The following SETBP1 variants were observed in gnomAD, a reference collection of about 807,000 sequenced individuals.
SETBP1 encodes the protein SET binding protein 1, also known as SET-binding protein.
A neutral mutation model predicts 101.0 loss-of-function variants in SETBP1; 9 were observed. The ratio of observed to expected loss-of-function variants is 0.09; its 90% CI spans 0.05 to 0.16. The LOEUF (loss-of-function observed/expected upper bound fraction) is 0.16, where lower values mean the gene tolerates loss of function less well. SETBP1 is among the 10% of genes least tolerant of loss of function. The pLI is 1.00. For synonymous variants in SETBP1, 818 were observed against 788.5 expected, an observed-to-expected ratio of 1.04 and a Z score of -0.63; for missense variants, 1,858 against 2,033.8, an observed-to-expected ratio of 0.91 and a Z score of 1.66.
chr18:44,956,707 T>A (rs2071490438), intron 4 of SETBP1, among the ~76,000 whole-genome samples: 1 of 152,218 alleles, frequency 6.6e-6, no homozygotes, highest in African/African-American at 2.4e-5. Flanking sequence ...CTCCCTGAGA[T>A]CAGAGCTGAT....
chr18:44,883,742 C>T (rs939954336), intron 3 of SETBP1, among the ~76,000 whole-genome samples: 1 of 152,170 alleles, frequency 6.6e-6, no homozygotes, highest in Non-Finnish European at 1.5e-5. Context: ...CTCCATTTTA[C>T]AAAAGAAGAC....
chr18:44,856,818 A>G (rs918133540), intron 2 of SETBP1, among the ~76,000 whole-genome samples: 1 of 152,212 alleles, frequency 6.6e-6, no homozygotes, highest in South Asian at 2.1e-4. Context: ...CATGTCTTTC[A>G]TTGCGATATG....
intron 4 of SETBP1, among the ~76,000 whole-genome samples, chr18:45,008,288 C>A (rs1174394792): frequency 6.6e-6 from 1 of 152,094 alleles, no homozygotes; most frequent in Non-Finnish European, 1.5e-5. Context: ...CACGGGGATC[C>A]TGAGGGGTCT....
chr18:44,922,629 C>G (rs1394895868), intron 3 of SETBP1, among the ~76,000 whole-genome samples: 1 of 152,124 alleles, frequency 6.6e-6, no homozygotes, highest in Non-Finnish European at 1.5e-5. Context: ...TCTCTTTTCT[C>G]CAGTTCTTTG....
intron 2 of SETBP1, among the ~76,000 whole-genome samples, chr18:44,798,759 G>A (rs912888067): frequency 6.6e-6 from 1 of 152,204 alleles, no homozygotes; most frequent in Non-Finnish European, 1.5e-5. Context: ...CCTAGGAATG[G>A]AGGTCACTTA....
intron 3 of SETBP1, among the ~76,000 whole-genome samples, chr18:44,942,719 C>T (rs1052226119): frequency 3.3e-5 from 5 of 152,098 alleles, no homozygotes; most frequent in East Asian, 1.9e-4. Flanking sequence ...GGAAAGGTTA[C>T]GTCTACTACC....
At chr18:45,023,689 C>A (rs1462102873) in intron 4 of SETBP1, among the ~76,000 whole-genome samples, 1 of 152,182 alleles carries the variant, frequency 6.6e-6, no homozygotes, top group Admixed American at 6.5e-5. Context: ...ATCCAAATTG[C>A]AACCCTCCAG....
chr18:44,950,293 A>G lies in SETBP1; in HGVS notation c.953A>G (p.Asp318Gly). The G allele has an allele frequency of 1.2e-6, 2 of 1,614,032 alleles. No individual in the cohort carries two copies. Among genetic ancestry groups the G allele is most frequent in the Non-Finnish European group, 8.5e-7 (1 of 1,180,036 alleles). The change falls in exon 4 of 6, where the codon GAT becomes GGT. Residue 318 changes from aspartate (D) to glycine (G), a missense_variant. Asp to Gly is a moderately conservative substitution (Grantham distance 94). Coordinates refer to ENST00000649279, the MANE Select transcript of SETBP1 (RefSeq NM_015559.3). ...CNGLQPLVDQ[D>G]GGGTKEPPEP... is the part of the protein sequence containing the mutation. Reference sequence around the variant, plus strand: ...GGGCTTCAGCCCTTGGTGGATCAAGATGGAGGAGGTACAAAGGAGCCCCCA... The same window carrying G: ...GGGCTTCAGCCCTTGGTGGATCAAGGTGGAGGAGGTACAAAGGAGCCCCCA...
intron 4 of SETBP1, among the ~76,000 whole-genome samples, chr18:45,021,986 A>G (rs1440920636): frequency 6.6e-6 from 1 of 152,196 alleles, no homozygotes; most frequent in Non-Finnish European, 1.5e-5. Context: ...AGTAGGGCAC[A>G]CGAGTTAACT....
chr18:45,052,675 C>CA (rs1232897904), intron 5 of SETBP1, among the ~76,000 whole-genome samples: 1 of 152,150 alleles, frequency 6.6e-6, no homozygotes, highest in Non-Finnish European at 1.5e-5. Context: ...ACCAGACAGA[C>CA]AGGAGAAAGT....
In SETBP1 at chr18:44,864,549, G is replaced by A. The variant is rs756054816; in HGVS notation, c.487-4681G>A. Among the ~76,000 whole-genome samples, 88 of 152,160 alleles carry A rather than the reference G, an allele frequency of 5.8e-4. 1 individual carries two copies. Among genetic ancestry groups the A allele is most frequent in the Non-Finnish European group, 5.1e-4 (35 of 68,032 alleles). The stretch of plus-strand genomic sequence containing the variant: ...TCATCCTCCTAATATTTTGAATGTG[G>A]ACTGTTCCAGAGAGCAGCAAGACAT... On this transcript the variant is annotated intron_variant, in intron 2 of 5. Transcript: ENST00000649279.
At chr18:44,908,934 T>C (rs1380786613) in intron 3 of SETBP1, among the ~76,000 whole-genome samples, 3 of 152,234 alleles carry the variant, frequency 2.0e-5, no homozygotes, top group Non-Finnish European at 4.4e-5. Flanking sequence ...TTAATCCTCA[T>C]TTTCAGAAAA....
At position 45,063,120 on chromosome 18, in the gene SETBP1, G is replaced by A. The variant is rs2073914637; in HGVS notation, c.4213G>A (p.Glu1405Lys). 1.2e-6 allele frequency: 2 copies of A among 1,613,844 alleles called. No homozygotes were observed. The highest frequency in any genetic ancestry group is 1.7e-6 in the Non-Finnish European group (2 of 1,179,990). ...LKKRFKRREIEAIQCEVRKMC... is the reference protein window; with the variant it reads ...LKKRFKRREIKAIQCEVRKMC... ...GAAGAGGTTCAAGCGGCGGGAGATC[G>A]AAGCCATCCAGTGCGAAGTGCGGAA... The change falls in exon 6 of 6, where the codon GAA (glutamate) becomes AAA (lysine). Residue 1405 changes from glutamate to lysine, a missense_variant. By Grantham distance (56) the Glu-to-Lys change is moderately conservative. Around this residue, in one of 12 missense-constraint regions of SETBP1, gnomAD observed 417 missense variants for 389.1 expected, o/e 1.07. Coordinates refer to ENST00000649279, the MANE Select transcript of SETBP1 (RefSeq NM_015559.3).
At position 45,045,491 on chromosome 18, in the gene SETBP1, C is replaced by A. The variant is rs577892225; in HGVS notation, c.4171+6836C>A. ...AATCAGTAGTGGACAGCAAGCCGAA[C>A]AAGGGCACATTTTCCTGGACTGTTA... On this transcript the variant is annotated intron_variant, in intron 5 of 5. Coordinates refer to ENST00000649279, the MANE Select transcript of SETBP1 (RefSeq NM_015559.3). Among the ~76,000 whole-genome samples the A allele has an allele frequency of 3.9e-4, 59 of 152,290 alleles. 2 individuals carry two copies. The highest frequency in any genetic ancestry group is 1.3e-3 in the African/African-American group (55 of 41,532).
intron 2 of SETBP1, among the ~76,000 whole-genome samples, chr18:44,820,076 G>A (rs572692398): frequency 6.6e-6 from 1 of 152,354 alleles, no homozygotes; most frequent in Admixed American, 6.5e-5. Flanking sequence ...GTTATGAGGA[G>A]TGGCAGCGCT....
At chr18:44,826,133 G>T (rs776978620) in intron 2 of SETBP1, among the ~76,000 whole-genome samples, 1 of 152,200 alleles carries the variant, frequency 6.6e-6, no homozygotes, top group South Asian at 2.1e-4. Flanking sequence ...GGCCAATAGA[G>T]TTCAAAGGAA....
chr18:45,016,564 T>C (rs1419739436), intron 4 of SETBP1, among the ~76,000 whole-genome samples: 4 of 152,194 alleles, frequency 2.6e-5, no homozygotes, highest in Non-Finnish European at 5.9e-5. Flanking sequence ...CCAAGGAATA[T>C]GATTCACACG....
At chr18:44,684,314 C>T (rs2068802661) in intron 1 of SETBP1, among the ~76,000 whole-genome samples, 1 of 152,180 alleles carries the variant, frequency 6.6e-6, no homozygotes. Flanking sequence ...CTGAAAAGTG[C>T]AGGAAAGAAA....
chr18:44,788,851 G>T (rs1263555001), intron 2 of SETBP1, among the ~76,000 whole-genome samples: 1 of 126,636 alleles, frequency 7.9e-6, no homozygotes, highest in Non-Finnish European at 1.6e-5. Context: ...AGGCTAGAGT[G>T]AACTGGCGTG....
Sources: allele counts gnomAD v4.1 joint callset (sites outside exome capture counted in the v4.1 genomes callset), GRCh38; gene constraint gnomAD v4.1.1; regional missense constraint gnomAD v4.1.1; transcripts MANE v1.5; gene names NCBI Gene and HGNC (gene_info 2026-07-23, HGNC 2026-07-21).